Variants in SPHKAP observed in about 807,000 individuals in gnomAD.
SPHKAP encodes SPHK1 interactor, AKAP domain containing, also known as A-kinase anchor protein SPHKAP.
Under a neutral mutation model 137.5 loss-of-function variants are expected in SPHKAP, and 67 were observed. That is an observed-to-expected ratio of 0.49 (90% confidence interval 0.40 to 0.60). SPHKAP has a LOEUF of 0.60. Ranked by LOEUF, SPHKAP falls within the 20% of genes least tolerant of loss-of-function variation. The pLI, the probability that SPHKAP is intolerant of heterozygous loss-of-function variation, is 0.00. For missense variants in SPHKAP, 2,097 were observed against 2,069.3 expected (o/e 1.01, Z -0.26); for synonymous variants, 813 against 785.3 (o/e 1.04, Z -0.59).
rs1195251882 is a variant in SPHKAP, at chr2:228,018,497, T to C, written c.2357A>G (p.Asn786Ser). The C allele has an allele frequency of 3.7e-6, 6 of 1,614,146 alleles. No individual in the cohort carries two copies. Among genetic ancestry groups the C allele is most frequent in the Non-Finnish European group, 4.2e-6 (5 of 1,180,020 alleles). The stretch of plus-strand genomic sequence containing the variant: ...TTTTGAATACATGCCATCCACAAGA[T>C]TGTTGATGACAAGACTCGTGTTGTG... ...NSHNTSLVIN[N>S]LVDGMYSKQD... Residue 786 changes from asparagine (N) to serine (S), a missense_variant, in exon 7 of 12, where the codon AAT (asparagine) becomes AGT (serine). Physicochemically the swap from Asn to Ser is conservative, Grantham distance 46 (BLOSUM62 1). Coordinates refer to ENST00000392056, the MANE Select transcript of SPHKAP (RefSeq NM_001142644.2).
intron 3 of SPHKAP, among the ~76,000 whole-genome samples, chr2:228,076,136 G>T (rs1697175073): frequency 6.6e-6 from 1 of 152,152 alleles, no homozygotes. Flanking sequence ...GATGTGACTT[G>T]CTCCTCCTTG....
At chr2:228,020,655 A>G (rs1266643439) in intron 6 of SPHKAP, among the ~76,000 whole-genome samples, 1 of 152,180 alleles carries the variant, frequency 6.6e-6, no homozygotes, top group Non-Finnish European at 1.5e-5. Flanking sequence ...AACATGGCAC[A>G]TGTATACATA....
At chr2:228,025,586 C>G in intron 4 of SPHKAP, 58 bp from the exon 5 acceptor site, 2 of 1,591,204 alleles carry the variant, frequency 1.3e-6, no homozygotes, top group Non-Finnish European at 1.7e-6. Flanking sequence ...ATACTACTCA[C>G]AAACTACTTT....
intron 7 of SPHKAP, among the ~76,000 whole-genome samples, chr2:227,996,998 C>A (rs1392385094): frequency 6.6e-6 from 1 of 152,174 alleles, no homozygotes; most frequent in Non-Finnish European, 1.5e-5. Context: ...TGGTACTAGA[C>A]ATTTAGACCT....
chr2:228,032,128 C>A (rs1695353225), intron 3 of SPHKAP, among the ~76,000 whole-genome samples: 1 of 152,018 alleles, frequency 6.6e-6, no homozygotes, highest in Non-Finnish European at 1.5e-5. Context: ...AAGTTAAAAA[C>A]TTTGAAAAAA....
At chr2:228,075,504 A>G (rs1337095126) in intron 3 of SPHKAP, among the ~76,000 whole-genome samples, 1 of 152,088 alleles carries the variant, frequency 6.6e-6, no homozygotes, top group Non-Finnish European at 1.5e-5. Flanking sequence ...TAGCTTTTGA[A>G]ATTTCTAGTA....
intron 2 of SPHKAP, among the ~76,000 whole-genome samples, chr2:228,129,798 C>CTTTT (rs1196344608): frequency 7.4e-6 from 1 of 135,544 alleles, no homozygotes; most frequent in Non-Finnish European, 1.6e-5. Flanking sequence ...TAATTTTTTT[C>CTTTT]TTTTTTTTTT....
chr2:228,021,009 T>C (rs1378634926), intron 6 of SPHKAP, among the ~76,000 whole-genome samples: 1 of 152,070 alleles, frequency 6.6e-6, no homozygotes, highest in Non-Finnish European at 1.5e-5. Context: ...ACCTCAGTAG[T>C]GGGACTTGCT....
chr2:228,169,514 C>A (rs944810490), intron 1 of SPHKAP, among the ~76,000 whole-genome samples: 4 of 152,108 alleles, frequency 2.6e-5, no homozygotes, highest in African/African-American at 9.7e-5. Flanking sequence ...CTGTTTACAG[C>A]ACAGTTTGCT....
chr2:228,151,844 G>A (rs1055036980), intron 1 of SPHKAP, among the ~76,000 whole-genome samples: 1 of 151,828 alleles, frequency 6.6e-6, no homozygotes, highest in Non-Finnish European at 1.5e-5. Context: ...ATTATATTTA[G>A]CCTTTTTTTA....
At chr2:228,067,405 T>G (rs1417146154) in intron 3 of SPHKAP, among the ~76,000 whole-genome samples, 2 of 152,248 alleles carry the variant, frequency 1.3e-5, no homozygotes, top group African/African-American at 4.8e-5. Flanking sequence ...ATAGGCTACC[T>G]ATACTGAGCT....
chr2:227,996,436 T>C (rs1002223737), intron 7 of SPHKAP, among the ~76,000 whole-genome samples: 1 of 152,184 alleles, frequency 6.6e-6, no homozygotes, highest in Non-Finnish European at 1.5e-5. Context: ...TGGTCCCTTC[T>C]TGCCTGGAAC....
intron 7 of SPHKAP, among the ~76,000 whole-genome samples, chr2:228,003,949 T>C (rs1694017628): frequency 6.6e-6 from 1 of 152,216 alleles, no homozygotes. Flanking sequence ...GATGTGCTGC[T>C]GGATTTGGTT....
At chr2:228,118,826 A>G (rs558205622) in intron 2 of SPHKAP, among the ~76,000 whole-genome samples, 17 of 152,260 alleles carry the variant, frequency 1.1e-4, no homozygotes, top group African/African-American at 4.1e-4. Context: ...TGTCTGTACT[A>G]GGCACTGTTT....
At chr2:227,999,246 ATGC>A (rs994377880) in intron 7 of SPHKAP, among the ~76,000 whole-genome samples, 48 of 152,274 alleles carry the variant, frequency 3.2e-4, no homozygotes, top group African/African-American at 1.1e-3. Context: ...CCAGTATGCT[ATGC>A]TGCTAACACT....
At chr2:228,047,142 G>A (rs985671975) in intron 3 of SPHKAP, among the ~76,000 whole-genome samples, 1 of 152,128 alleles carries the variant, frequency 6.6e-6, no homozygotes, top group African/African-American at 2.4e-5. Context: ...TAAAATCACA[G>A]AATTTGACAA....
intron 3 of SPHKAP, among the ~76,000 whole-genome samples, chr2:228,037,503 G>A (rs968330019): frequency 6.6e-6 from 1 of 152,180 alleles, no homozygotes. Flanking sequence ...CTTGATGGTA[G>A]AAGCATTCCT....
At chr2:228,172,339 G>A (rs1700609504) in intron 1 of SPHKAP, among the ~76,000 whole-genome samples, 1 of 152,264 alleles carries the variant, frequency 6.6e-6, no homozygotes, top group Admixed American at 6.5e-5. Flanking sequence ...TCTAGGAGAA[G>A]CCTACAGGCC....
intron 1 of SPHKAP, among the ~76,000 whole-genome samples, chr2:228,148,007 T>C (rs1006703557): frequency 6.6e-6 from 1 of 152,204 alleles, no homozygotes; most frequent in Non-Finnish European, 1.5e-5. Flanking sequence ...CGAAACTGAC[T>C]CCGGCCTGTG....
Sources: gnomAD v4.1 joint callset for allele counts (sites outside exome capture counted in the v4.1 genomes callset) on GRCh38, gnomAD v4.1.1 for gene constraint, MANE v1.5 for transcripts, NCBI Gene and HGNC (gene_info 2026-07-23, HGNC 2026-07-21) for gene names.